Variants in ESRRB observed in about 807,000 individuals in gnomAD.
ESRRB encodes estrogen related receptor beta.
ESRRB carries 16 observed loss-of-function variants against 46.0 expected under a neutral mutation model. The observed-to-expected ratio is 0.35, with a 90% CI of 0.24 to 0.53. The LOEUF (loss-of-function observed/expected upper bound fraction) is 0.53. ESRRB is among the 20% of genes least tolerant of loss of function. ESRRB has a pLI of 0.93. For synonymous variants in ESRRB, 246 were observed against 259.6 expected (o/e 0.95, Z 0.50); for missense variants, 488 against 607.4 (o/e 0.80, Z 2.07).
chr14:76,392,867 T>C (rs1885523490), intron 1 of ESRRB, among the ~76,000 whole-genome samples: 1 of 152,220 alleles, frequency 6.6e-6, no homozygotes, highest in African/African-American at 2.4e-5. Context: ...GCCCACCTCC[T>C]TGCTGCTCCC....
At chr14:76,481,585 T>C (rs1340720959) in intron 3 of ESRRB, among the ~76,000 whole-genome samples, 1 of 152,210 alleles carries the variant, frequency 6.6e-6, no homozygotes, top group Non-Finnish European at 1.5e-5. Context: ...AGATGCTTCT[T>C]GTGTGAAAAG....
chr14:76,462,443 G>T lies in ESRRB; in HGVS notation c.461-102G>T, dbSNP rs537608981. 3.3e-4 allele frequency: 271 copies of T among 818,284 alleles called. 1 individual carries two copies. In the African/African-American group the frequency reaches 4.3e-3, roughly 13 times the overall value. The allele number at this position is 818,284 out of a possible 1,614,324, so 50.7% of individuals were successfully genotyped here. ...GCTTTGAGAACACTAGGGGGGAGTG[G>T]CAGCTCTGGCAAATTAAAATCCCCA... On this transcript the variant is annotated intron_variant, in intron 2 of 6. Transcript: ENST00000644823.
At chr14:76,497,571 C>T (rs1890480951) in intron 6 of ESRRB, among the ~76,000 whole-genome samples, 1 of 152,218 alleles carries the variant, frequency 6.6e-6, no homozygotes, top group African/African-American at 2.4e-5. Context: ...CTCCCTCCAT[C>T]ACCGTGCCTC....
At chr14:76,354,465 G>T (rs567640720) in intron 1 of ESRRB, among the ~76,000 whole-genome samples, 8 of 152,122 alleles carry the variant, frequency 5.3e-5, no homozygotes, top group African/African-American at 1.7e-4. Context: ...ACTCTGAAGG[G>T]GGAGGACAAG....
intron 1 of ESRRB, among the ~76,000 whole-genome samples, chr14:76,424,106 C>T (rs1432017036): frequency 2.6e-5 from 4 of 152,150 alleles, no homozygotes; most frequent in African/African-American, 4.8e-5. Flanking sequence ...TCAGTTTGCT[C>T]CTCTGCAAAA....
chr14:76,452,247 G>A (rs1214933385), intron 2 of ESRRB, among the ~76,000 whole-genome samples: 1 of 152,036 alleles, frequency 6.6e-6, no homozygotes, highest in African/African-American at 2.4e-5. Context: ...GCCACAGGAA[G>A]CAATTTTAAC....
intron 5 of ESRRB, 72 bp from the exon 6 acceptor site, chr14:76,491,375 A>G: frequency 6.6e-7 from 1 of 1,519,590 alleles, no homozygotes; most frequent in Non-Finnish European, 9.0e-7. Flanking sequence ...CTCTGCCCCC[A>G]GCGAGCCCCA....
At chr14:76,400,963 C>T (rs1304468784) in intron 1 of ESRRB, among the ~76,000 whole-genome samples, 1 of 152,166 alleles carries the variant, frequency 6.6e-6, no homozygotes, top group East Asian at 1.9e-4. Context: ...CCTGATTGTG[C>T]TCTGAGCTCT....
intron 1 of ESRRB, among the ~76,000 whole-genome samples, chr14:76,409,635 C>G: frequency 6.6e-6 from 1 of 151,810 alleles, no homozygotes; most frequent in East Asian, 1.9e-4. Context: ...GGGACCTAAT[C>G]GGATTTGAGC....
In ESRRB at chr14:76,482,542, C is replaced by G. The variant is rs1889848971; in HGVS notation, c.689-56C>G. ...GCTTCCTGACCCATCTGAGCCTCCA[C>G]CCCGGCCCCTTTCCTCTTTTCCCAG... On this transcript the variant is annotated intron_variant, in intron 4 of 6. Coordinates refer to ENST00000644823, the MANE Select transcript of ESRRB (RefSeq NM_001379180.1). The surrounding 1 kb of genome is among the most constrained non-coding windows in gnomAD (Gnocchi z 4.3). 1 of 1,605,546 alleles carries G rather than the reference C, an allele frequency of 6.2e-7. No homozygotes were observed. Among genetic ancestry groups the G allele is most frequent in the African/African-American group, 1.3e-5 (1 of 74,862 alleles).
intron 1 of ESRRB, among the ~76,000 whole-genome samples, chr14:76,411,946 A>C (rs553865054): frequency 1.3e-5 from 2 of 152,214 alleles, no homozygotes; most frequent in Non-Finnish European, 2.9e-5. Context: ...TACAATTAGC[A>C]TAGTGTCAGG....
chr14:76,331,692 G>A (rs542541223), intron 1 of ESRRB, among the ~76,000 whole-genome samples: 2 of 151,892 alleles, frequency 1.3e-5, no homozygotes, highest in South Asian at 2.1e-4. Context: ...TGGAGATCTC[G>A]ACATCACCCT....
chr14:76,328,554 C>A (rs1020477796), intron 1 of ESRRB, among the ~76,000 whole-genome samples: 3 of 150,924 alleles, frequency 2.0e-5, no homozygotes, highest in African/African-American at 7.3e-5. Flanking sequence ...GCCCCACACA[C>A]CTCCCAGGGC....
At chr14:76,338,281 C>G (rs753939774) in intron 1 of ESRRB, among the ~76,000 whole-genome samples, 1 of 152,092 alleles carries the variant, frequency 6.6e-6, no homozygotes, top group Non-Finnish European at 1.5e-5. Flanking sequence ...GGCTCCAGCC[C>G]GGGTGGGCAT....
At chr14:76,373,894 C>T (rs1566863894), upstream of ESRRB, among the ~76,000 whole-genome samples, 1 of 152,246 alleles carries the variant, frequency 6.6e-6, no homozygotes, top group Non-Finnish European at 1.5e-5. Flanking sequence ...CCCACTTTCT[C>T]CTCATTTGCT....
At chr14:76,443,850 G>A (rs752442530) in intron 2 of ESRRB, among the ~76,000 whole-genome samples, 34 of 152,210 alleles carry the variant, frequency 2.2e-4, no homozygotes, top group Non-Finnish European at 4.0e-4. Context: ...ATAGGATAAT[G>A]ATCTCTTCGT....
intron 5 of ESRRB, among the ~76,000 whole-genome samples, chr14:76,489,487 C>T (rs939943817): frequency 4.3e-4 from 15 of 34,780 alleles, no homozygotes; most frequent in Non-Finnish European, 8.2e-4. Context: ...ACACCCTGAT[C>T]CCCTGTCACA....
At chr14:76,342,140 G>A (rs1346513843) in intron 1 of ESRRB, among the ~76,000 whole-genome samples, 1 of 152,174 alleles carries the variant, frequency 6.6e-6, no homozygotes, top group Non-Finnish European at 1.5e-5. Flanking sequence ...AGCGTATTTG[G>A]GGCAACGGGG....
chr14:76,472,294 G>A (rs971763645), intron 3 of ESRRB, among the ~76,000 whole-genome samples: 2 of 152,160 alleles, frequency 1.3e-5, no homozygotes, highest in Non-Finnish European at 2.9e-5. Flanking sequence ...AATGCCCTTG[G>A]GGACATGGTG....
Sources: allele counts gnomAD v4.1 joint callset (sites outside exome capture counted in the v4.1 genomes callset), GRCh38; gene constraint gnomAD v4.1.1; non-coding constraint Gnocchi (gnomAD v3.1); transcripts MANE v1.5; gene names NCBI Gene and HGNC (gene_info 2026-07-23, HGNC 2026-07-21).